CNTN6: variants seen among roughly 807,000 people sequenced by gnomAD.
The protein encoded by CNTN6 is contactin 6, also known as contactin-6.
Under a neutral mutation model 122.8 loss-of-function variants are expected in CNTN6, and 137 were observed. That is an observed-to-expected ratio of 1.12 (90% CI 0.97 to 1.29). The LOEUF (loss-of-function observed/expected upper bound fraction) is 1.29, where lower values mean the gene tolerates loss of function less well. Among genes scored for constraint, CNTN6 ranks in the 50% most tolerant of loss-of-function variants. CNTN6 has a pLI of 0.00. For synonymous variants in CNTN6, 570 were observed against 426.0 expected, an observed-to-expected ratio of 1.34 and a Z score of -4.16; for missense variants, 1,634 against 1,223.4, an observed-to-expected ratio of 1.34 and a Z score of -5.01.
At chr3:1,131,314 G>T (rs79012518) in intron 1 of CNTN6, among the ~76,000 whole-genome samples, 1 of 152,004 alleles carries the variant, frequency 6.6e-6, no homozygotes, top group East Asian at 1.9e-4. Context: ...GGAATGCAGG[G>T]TACACAAAGG....
intron 12 of CNTN6, among the ~76,000 whole-genome samples, chr3:1,354,405 T>G: frequency 6.6e-6 from 1 of 151,452 alleles, no homozygotes; most frequent in East Asian, 1.9e-4. Context: ...CATTTTTGTT[T>G]GTTCATTTCT....
At chr3:1,105,666 G>A (rs147370285) in intron 1 of CNTN6, among the ~76,000 whole-genome samples, 216 of 152,238 alleles carry the variant, frequency 1.4e-3, no homozygotes, top group African/African-American at 5.0e-3. Context: ...TCTTATTAAA[G>A]ATAAATCAGT....
chr3:1,137,085 C>T (rs1380881920), intron 1 of CNTN6, among the ~76,000 whole-genome samples: 1 of 152,156 alleles, frequency 6.6e-6, no homozygotes, highest in Non-Finnish European at 1.5e-5. Context: ...TCCTATTTTT[C>T]TATCTTGTCA....
chr3:1,373,803 T>C, intron 15 of CNTN6, 41 bp downstream of exon 15: 1 of 1,524,178 alleles, frequency 6.6e-7, no homozygotes. Context: ...AAAAATAATA[T>C]TTTAGTCCAA....
intron 12 of CNTN6, among the ~76,000 whole-genome samples, chr3:1,361,547 T>C (rs200682599): frequency 2.0e-5 from 3 of 152,296 alleles, no homozygotes; most frequent in East Asian, 3.9e-4. Context: ...ATTATACTTA[T>C]TTCTTTCTCT....
At chr3:1,388,451 C>A (rs1333989982) in intron 20 of CNTN6, among the ~76,000 whole-genome samples, 1 of 151,604 alleles carries the variant, frequency 6.6e-6, no homozygotes, top group African/African-American at 2.4e-5. Flanking sequence ...ATAAAAACCA[C>A]AAAGATGGGG....
intron 17 of CNTN6, among the ~76,000 whole-genome samples, chr3:1,382,573 ATAAATAGT>A (rs1263497257): frequency 6.6e-6 from 1 of 151,930 alleles, no homozygotes; most frequent in Non-Finnish European, 1.5e-5. Flanking sequence ...TAGTCTTGAA[ATAAATAGT>A]TAAGAAGTTA....
At chr3:1,248,735 G>A (rs549754285) in intron 4 of CNTN6, among the ~76,000 whole-genome samples, 19 of 152,070 alleles carry the variant, frequency 1.2e-4, no homozygotes, top group South Asian at 2.1e-4. Context: ...CAGGAGGATC[G>A]CTTGAACCCG....
chr3:1,238,683 C>T (rs906420718), intron 4 of CNTN6, among the ~76,000 whole-genome samples: 3 of 152,148 alleles, frequency 2.0e-5, no homozygotes, highest in Non-Finnish European at 1.5e-5. Context: ...ATAGACCATA[C>T]GATAGGCCAC....
intron 2 of CNTN6, among the ~76,000 whole-genome samples, chr3:1,178,837 G>A (rs1259063658): frequency 6.6e-6 from 1 of 152,176 alleles, no homozygotes; most frequent in Non-Finnish European, 1.5e-5. Context: ...TGTGTTTAGA[G>A]TGAGGACTGG....
intron 20 of CNTN6, among the ~76,000 whole-genome samples, chr3:1,387,111 T>C (rs1481837580): frequency 1.3e-5 from 2 of 152,134 alleles, no homozygotes; most frequent in African/African-American, 4.8e-5. Flanking sequence ...TTCTTATCTA[T>C]TTATTAAATA....
chr3:1,326,051 G>A, intron 9 of CNTN6, 100 bp downstream of exon 9: 1 of 1,022,568 alleles, frequency 9.8e-7, no homozygotes, highest in Non-Finnish European at 1.4e-6. Flanking sequence ...TGTTAATGGA[G>A]TCTTTGGTAT....
intron 2 of CNTN6, among the ~76,000 whole-genome samples, chr3:1,204,603 A>T (rs1397217375): frequency 6.6e-6 from 1 of 152,172 alleles, no homozygotes; most frequent in Non-Finnish European, 1.5e-5. Flanking sequence ...AGCAACCTGT[A>T]CACCATTCCA....
intron 2 of CNTN6, among the ~76,000 whole-genome samples, chr3:1,202,521 A>T (rs1430812917): frequency 6.7e-6 from 1 of 150,146 alleles, no homozygotes; most frequent in Middle Eastern, 3.4e-3. Flanking sequence ...AGCCTGGGCG[A>T]CAGAGCCAGA....
At chr3:1,178,390 C>A (rs1330962790) in intron 2 of CNTN6, among the ~76,000 whole-genome samples, 1 of 152,134 alleles carries the variant, frequency 6.6e-6, no homozygotes, top group Non-Finnish European at 1.5e-5. Context: ...GTTTCTTCAT[C>A]ACTGCTACTA....
At chr3:1,180,198 T>C (rs1431035873) in intron 2 of CNTN6, among the ~76,000 whole-genome samples, 3 of 151,452 alleles carry the variant, frequency 2.0e-5, no homozygotes, top group African/African-American at 2.4e-5. Context: ...AAAGAGTAAA[T>C]GAAAGAGAAG....
At position 1,277,346 on chromosome 3, in the gene CNTN6, C is replaced by CTTTTTTTTTTTTTTT. The variant is rs10599744; in HGVS notation, c.359-1050_359-1036dup. ...CTACTTCTGTCTTTTAGTAGGTTTT[C>CTTTTTTTTTTTTTTT]TTTTTTTTTTTTTTTTTTTTTTTTT... is the stretch of plus-strand genomic sequence containing the variant. On this transcript the variant is annotated intron_variant, in intron 4 of 22. Coordinates refer to ENST00000446702, the MANE Select transcript of CNTN6 (RefSeq NM_001289080.2). 6.7e-4 allele frequency among the ~76,000 whole-genome samples: 54 copies of CTTTTTTTTTTTTTTT among 80,190 alleles called. 5 individuals are homozygous for CTTTTTTTTTTTTTTT. Among genetic ancestry groups the CTTTTTTTTTTTTTTT allele is most frequent in the East Asian group, 3.4e-3 (9 of 2,678 alleles). 52.6% of individuals were successfully genotyped at this position (80,190 alleles called of 152,430 possible). A position where few individuals can be genotyped will look rare whatever the true frequency, so the allele number is the denominator to read the frequency against.
intron 2 of CNTN6, among the ~76,000 whole-genome samples, chr3:1,180,185 GAGAA>G (rs1300819302): frequency 7.2e-5 from 11 of 152,212 alleles, no homozygotes; most frequent in African/African-American, 2.6e-4. Flanking sequence ...TGAAAAGAAA[GAGAA>G]AGAGTAAATG....
chr3:1,111,322 A>C (rs1441132572), intron 1 of CNTN6, among the ~76,000 whole-genome samples: 1 of 152,172 alleles, frequency 6.6e-6, no homozygotes, highest in East Asian at 1.9e-4. Context: ...CCATCAATTG[A>C]TATAGTTTCA....
Sources: gnomAD v4.1 joint callset for allele counts (sites outside exome capture counted in the v4.1 genomes callset) on GRCh38, gnomAD v4.1.1 for gene constraint, MANE v1.5 for transcripts, NCBI Gene and HGNC (gene_info 2026-07-23, HGNC 2026-07-21) for gene names.